Variants in MYT1L observed in about 807,000 individuals in gnomAD.
The protein encoded by MYT1L is myelin transcription factor 1-like protein.
Under a neutral mutation model 126.7 loss-of-function variants are expected in MYT1L, and 12 were observed. The ratio of observed to expected loss-of-function variants is 0.09; its 90% CI spans 0.06 to 0.15. The LOEUF is 0.15. Among genes scored for constraint, MYT1L ranks in the 10% least tolerant of loss-of-function variants. MYT1L has a pLI of 1.00. For synonymous variants in MYT1L, 541 were observed against 604.2 expected (o/e 0.90, Z 1.53); for missense variants, 979 against 1,585.2 (o/e 0.62, Z 6.49).
intron 1 of MYT1L, among the ~76,000 whole-genome samples, chr2:2,312,219 C>T (rs1214141360): frequency 6.6e-6 from 1 of 152,204 alleles, no homozygotes; most frequent in Non-Finnish European, 1.5e-5. Context: ...CACCTCCCTT[C>T]CCAGTGTCTC....
intron 2 of MYT1L, among the ~76,000 whole-genome samples, chr2:2,280,071 G>A (rs927395934): frequency 6.6e-6 from 1 of 152,168 alleles, no homozygotes; most frequent in Non-Finnish European, 1.5e-5. Context: ...TAAACTATAA[G>A]TGTCATCAGA....
At chr2:2,253,139 T>A (rs568420582) in intron 2 of MYT1L, among the ~76,000 whole-genome samples, 95 of 148,528 alleles carry the variant, frequency 6.4e-4, no homozygotes, top group Admixed American at 2.2e-3. Context: ...AAAAAGAATT[T>A]AAAAAAAAAA....
chr2:2,295,041 C>T lies in MYT1L; in HGVS notation c.-520-10538G>A, dbSNP rs139188289. Among the ~76,000 whole-genome samples the T allele has an allele frequency of 5.6e-4, 85 of 152,200 alleles. No homozygotes were observed. The East Asian group carries it at 0.01, about 19-fold the overall frequency. ...GCAGGTGAACACCAGTCAAGATTTC[C>T]GGAGAATCCCTGAATTAGGAGAGAT... On this transcript the variant is annotated intron_variant, in intron 1 of 24. Transcript: ENST00000647738.
intron 5 of MYT1L, among the ~76,000 whole-genome samples, chr2:1,987,591 C>T (rs2061143495): frequency 6.6e-6 from 1 of 152,200 alleles, no homozygotes; most frequent in Non-Finnish European, 1.5e-5. Flanking sequence ...ACGTCTGCTG[C>T]TCTCCATCTG....
intron 15 of MYT1L, among the ~76,000 whole-genome samples, chr2:1,891,736 T>G (rs1487883737): frequency 2.0e-5 from 3 of 152,206 alleles, no homozygotes; most frequent in Non-Finnish European, 4.4e-5. Flanking sequence ...GAGGCCCACG[T>G]GGTGTCCTTT....
chr2:1,915,424 C>T (rs2052677095), intron 11 of MYT1L, among the ~76,000 whole-genome samples: 3 of 152,134 alleles, frequency 2.0e-5, no homozygotes, highest in African/African-American at 7.2e-5. Context: ...GGCACCTTGC[C>T]AGTCCCACTC....
intron 2 of MYT1L, among the ~76,000 whole-genome samples, chr2:2,201,279 G>T (rs1232305471): frequency 1.3e-5 from 2 of 152,136 alleles, no homozygotes; most frequent in East Asian, 1.9e-4. Context: ...TTACACAACT[G>T]CTCCAGAATG....
chr2:1,899,541 A>G (rs931194454), intron 14 of MYT1L, among the ~76,000 whole-genome samples: 18 of 152,026 alleles, frequency 1.2e-4, no homozygotes, highest in African/African-American at 4.3e-4. Context: ...GTGGATTTCT[A>G]TTTCCTATAG....
chr2:2,115,912 C>T (rs947693933), intron 3 of MYT1L, among the ~76,000 whole-genome samples: 4 of 149,510 alleles, frequency 2.7e-5, no homozygotes, highest in Admixed American at 6.7e-5. Context: ...GAAAACAGGA[C>T]GAGCCTGCTG....
chr2:2,103,302 C>T (rs1005303203), intron 3 of MYT1L, among the ~76,000 whole-genome samples: 1 of 152,176 alleles, frequency 6.6e-6, no homozygotes, highest in African/African-American at 2.4e-5. Flanking sequence ...CAGCCTTTGC[C>T]AGGGCTCCTC....
At chr2:1,794,917 G>A (rs942441975) in intron 23 of MYT1L, among the ~76,000 whole-genome samples, 9 of 152,306 alleles carry the variant, frequency 5.9e-5, no homozygotes, top group African/African-American at 2.2e-4. Flanking sequence ...CCTGAACCAG[G>A]CTGCTTGGTG....
At chr2:1,879,193 C>A (rs2047263468) in intron 18 of MYT1L, among the ~76,000 whole-genome samples, 1 of 152,182 alleles carries the variant, frequency 6.6e-6, no homozygotes, top group Non-Finnish European at 1.5e-5. Context: ...GAACGAGTCT[C>A]TCCTGAAATG....
At chr2:2,024,903 G>A (rs192455905) in intron 4 of MYT1L, among the ~76,000 whole-genome samples, 167 of 152,352 alleles carry the variant, frequency 1.1e-3, no homozygotes, top group African/African-American at 3.8e-3. Context: ...CCTTAGCTCT[G>A]ACTTAGCTCC....
intron 3 of MYT1L, among the ~76,000 whole-genome samples, chr2:2,060,398 C>T (rs1367229267): frequency 6.6e-6 from 1 of 152,052 alleles, no homozygotes; most frequent in African/African-American, 2.4e-5. Flanking sequence ...AGGGTACTTG[C>T]TGTTTAATTT....
intron 18 of MYT1L, among the ~76,000 whole-genome samples, chr2:1,872,268 T>C (rs1431150835): frequency 1.3e-5 from 2 of 152,178 alleles, no homozygotes; most frequent in Non-Finnish European, 2.9e-5. Flanking sequence ...TCCGTTTCCA[T>C]CACGTTCTCA....
At chr2:1,869,451 G>A (rs1039548663) in intron 18 of MYT1L, among the ~76,000 whole-genome samples, 1 of 152,252 alleles carries the variant, frequency 6.6e-6, no homozygotes, top group Non-Finnish European at 1.5e-5. Flanking sequence ...GCCGGTGCAC[G>A]CATGTGCGTG....
chr2:1,891,875 A>G (rs958534806), intron 15 of MYT1L, among the ~76,000 whole-genome samples, 162 bp downstream of exon 15: 9 of 152,116 alleles, frequency 5.9e-5, no homozygotes, highest in African/African-American at 9.7e-5. Context: ...AGGCTGCGTT[A>G]AGGGAAGCTG....
intron 3 of MYT1L, among the ~76,000 whole-genome samples, chr2:2,058,844 TCTCAGTG>T (rs1478048716): frequency 1.3e-5 from 2 of 152,208 alleles, no homozygotes; most frequent in African/African-American, 4.8e-5. Context: ...TGAGGCTCCT[TCTCAGTG>T]ACATCTGTGT....
chr2:1,991,595 A>G (rs1297995974), intron 5 of MYT1L, among the ~76,000 whole-genome samples: 1 of 152,014 alleles, frequency 6.6e-6, no homozygotes, highest in Non-Finnish European at 1.5e-5. Context: ...CTTTTCTTAA[A>G]GCTGACCTCT....
Sources: allele counts gnomAD v4.1 joint callset (sites outside exome capture counted in the v4.1 genomes callset), GRCh38; gene constraint gnomAD v4.1.1; transcripts MANE v1.5; gene names NCBI Gene and HGNC (gene_info 2026-07-23, HGNC 2026-07-21).